Variants in PACSIN2 observed in about 807,000 individuals in gnomAD.
PACSIN2 encodes the protein protein kinase C and casein kinase substrate in neurons protein 2.
Under a neutral mutation model 63.8 loss-of-function variants are expected in PACSIN2, and 25 were observed. That is an observed-to-expected ratio of 0.39 (90% CI 0.29 to 0.55). The LOEUF (loss-of-function observed/expected upper bound fraction) is 0.55, where lower values mean the gene tolerates loss of function less well. Among genes scored for constraint, PACSIN2 ranks in the 20% least tolerant of loss-of-function variants. PACSIN2 has a pLI of 0.62. For missense variants in PACSIN2, 518 were observed against 646.9 expected (o/e 0.80, Z 2.16); for synonymous variants, 255 against 256.2 (o/e 1.00, Z 0.05).
At chr22:42,995,852 C>A (rs1364956303) in intron 1 of PACSIN2, among the ~76,000 whole-genome samples, 3 of 152,150 alleles carry the variant, frequency 2.0e-5, no homozygotes, top group African/African-American at 7.2e-5. Flanking sequence ...TCACTTGAAG[C>A]CAGGAGTTCA....
intron 1 of PACSIN2, among the ~76,000 whole-genome samples, chr22:42,981,787 C>A (rs1922168407): frequency 7.9e-6 from 1 of 127,250 alleles, no homozygotes; most frequent in Admixed American, 7.3e-5. Flanking sequence ...GTGGGTCAGC[C>A]CCCCGCCCGG....
chr22:42,985,074 A>G (rs1262743408), intron 1 of PACSIN2, among the ~76,000 whole-genome samples: 2 of 152,208 alleles, frequency 1.3e-5, no homozygotes, highest in South Asian at 2.1e-4. Context: ...CACGCCTGTA[A>G]TCTCAGCACT....
intron 9 of PACSIN2, among the ~76,000 whole-genome samples, chr22:42,876,534 G>A (rs1237137518): frequency 6.6e-6 from 1 of 151,992 alleles, no homozygotes; most frequent in African/African-American, 2.4e-5. Flanking sequence ...TCCAGGGGCA[G>A]GCGGCTGGAG....
chr22:42,902,069 G>A (rs1260107454), intron 2 of PACSIN2, among the ~76,000 whole-genome samples: 1 of 152,250 alleles, frequency 6.6e-6, no homozygotes, highest in Non-Finnish European at 1.5e-5. Context: ...AACATCCACT[G>A]TGTGTGAAGG....
chr22:42,983,964 CTTTTTT>C (rs532427677), intron 1 of PACSIN2, among the ~76,000 whole-genome samples: 13 of 104,604 alleles, frequency 1.2e-4, no homozygotes, highest in Admixed American at 1.1e-4. Context: ...GCACTTAGCA[CTTTTTT>C]TTTTTTTTTT....
chr22:42,917,486 G>A (rs570108921), intron 1 of PACSIN2, among the ~76,000 whole-genome samples: 126 of 152,078 alleles, frequency 8.3e-4, no homozygotes, highest in African/African-American at 2.1e-3. Flanking sequence ...ATGGTGGCAC[G>A]CACCTGTGGT....
intron 2 of PACSIN2, chr22:42,909,560 T>G (rs565783638): frequency 1.3e-5 from 6 of 471,162 alleles, no homozygotes; most frequent in Middle Eastern, 6.5e-4. Context: ...GCGGAGTTGA[T>G]ACCAGCTGGA....
chr22:42,934,301 G>C (rs1436971091), intron 1 of PACSIN2, among the ~76,000 whole-genome samples: 2 of 152,262 alleles, frequency 1.3e-5, no homozygotes, highest in South Asian at 2.1e-4. Flanking sequence ...ATCTGGTAAA[G>C]AGCTACAGCA....
At chr22:42,885,617 C>G (rs1309789226) in intron 5 of PACSIN2, among the ~76,000 whole-genome samples, 1 of 152,080 alleles carries the variant, frequency 6.6e-6, no homozygotes, top group Non-Finnish European at 1.5e-5. Context: ...CCCAGATGCT[C>G]TCCTCTGACT....
intron 1 of PACSIN2, among the ~76,000 whole-genome samples, chr22:42,997,482 C>T (rs1182014171): frequency 2.0e-5 from 3 of 151,390 alleles, no homozygotes; most frequent in Admixed American, 1.3e-4. Context: ...CGCTTGAACC[C>T]GGGAGGCAGA....
chr22:42,921,262 G>A (rs902719335), intron 1 of PACSIN2, among the ~76,000 whole-genome samples: 10 of 151,940 alleles, frequency 6.6e-5, no homozygotes, highest in Non-Finnish European at 8.8e-5. Flanking sequence ...GGGAGGCTGA[G>A]CCAGGAGAAT....
intron 1 of PACSIN2, among the ~76,000 whole-genome samples, chr22:42,915,465 G>A (rs1931749101): frequency 1.3e-5 from 2 of 152,168 alleles, no homozygotes. Context: ...CTCAGCAACA[G>A]TGACATCCTG....
At chr22:42,887,149 G>A (rs116534066) in intron 5 of PACSIN2, among the ~76,000 whole-genome samples, 61 of 152,314 alleles carry the variant, frequency 4.0e-4, no homozygotes, top group African/African-American at 1.4e-3. Flanking sequence ...TGATCCCACC[G>A]TGGAGGCACC....
At chr22:42,984,534 G>GA (rs1176359639) in intron 1 of PACSIN2, among the ~76,000 whole-genome samples, 2 of 152,176 alleles carry the variant, frequency 1.3e-5, no homozygotes, top group Non-Finnish European at 2.9e-5. Context: ...ATGGCCAGGA[G>GA]AAAAGCAGGA....
At chr22:42,874,323 TAAAA>T (rs5845568) in intron 10 of PACSIN2, among the ~76,000 whole-genome samples, 1 of 133,854 alleles carries the variant, frequency 7.5e-6, no homozygotes. Flanking sequence ...GTGTCTCTAT[TAAAA>T]AAAAAAAAAA....
intron 1 of PACSIN2, among the ~76,000 whole-genome samples, chr22:42,950,142 C>T (rs1377339598): frequency 6.6e-6 from 1 of 152,024 alleles, no homozygotes; most frequent in Non-Finnish European, 1.5e-5. Flanking sequence ...TTTTGCTTGT[C>T]ATTATTCCCT....
intron 8 of PACSIN2, among the ~76,000 whole-genome samples, chr22:42,877,377 T>C (rs1281614091): frequency 6.6e-6 from 1 of 150,728 alleles, no homozygotes; most frequent in East Asian, 2.0e-4. Context: ...GCTGGGGGGG[T>C]CAAAAAGCCC....
In PACSIN2 at chr22:42,936,910, CAA is replaced by C. The variant is rs35446412; in HGVS notation, c.-77-24755_-77-24754del. Among the ~76,000 whole-genome samples, 253 of 129,572 alleles carry C rather than the reference CAA, an allele frequency of 2.0e-3. 1 individual carries two copies. Among genetic ancestry groups the C allele is most frequent in the Admixed American group, 3.8e-3 (49 of 12,868 alleles). 85.0% of individuals were successfully genotyped at this position (129,572 alleles called of 152,430 possible). ...TGGGCAACACAGCAAGACTCTGCCTCAAAAAAAGGGGGGGGGGCAGGGGCAGT... is the reference window on the plus strand; with the variant it reads ...TGGGCAACACAGCAAGACTCTGCCTCAAAAAGGGGGGGGGGCAGGGGCAGT... On this transcript the variant is annotated intron_variant, in intron 1 of 10. Coordinates refer to ENST00000263246, the MANE Select transcript of PACSIN2 (RefSeq NM_001184970.3).
At chr22:42,985,767 G>A (rs993644302) in intron 1 of PACSIN2, among the ~76,000 whole-genome samples, 7 of 152,136 alleles carry the variant, frequency 4.6e-5, no homozygotes, top group African/African-American at 1.7e-4. Flanking sequence ...AAATGTCCTG[G>A]AAATCTGATA....
Sources: allele counts gnomAD v4.1 joint callset (sites outside exome capture counted in the v4.1 genomes callset), GRCh38; gene constraint gnomAD v4.1.1; transcripts MANE v1.5; gene names NCBI Gene and HGNC (gene_info 2026-07-23, HGNC 2026-07-21).